LDAF1: variants seen among roughly 807,000 people sequenced by gnomAD.
LDAF1 encodes lipid droplet assembly factor 1.
Under a neutral mutation model 13.5 loss-of-function variants are expected in LDAF1, and 7 were observed. The ratio of observed to expected loss-of-function variants is 0.52; its 90% CI spans 0.29 to 0.97. The LOEUF (loss-of-function observed/expected upper bound fraction) is 0.97, where lower values mean the gene tolerates loss of function less well. Ranked by LOEUF, LDAF1 falls within the 50% of genes least tolerant of loss-of-function variation. The probability of loss-of-function intolerance (pLI) is 0.07; values close to 1 mark genes in which losing one functional copy is unlikely to be tolerated. For synonymous variants in LDAF1, 69 were observed against 77.1 expected, an observed-to-expected ratio of 0.89 and a Z score of 0.55; for missense variants, 148 against 193.2, an observed-to-expected ratio of 0.77 and a Z score of 1.39.
chr16:21,170,045 C>G (rs1402304569), intron 2 of LDAF1, among the ~76,000 whole-genome samples: 4 of 152,054 alleles, frequency 2.6e-5, no homozygotes, highest in Non-Finnish European at 5.9e-5. Context: ...CTCTGCCTCC[C>G]AGGCTGGAGT....
rs1270197854 is a variant in LDAF1 at position 21,179,522 on chromosome 16, A to C, written c.452A>C (p.Lys151Thr). ...NTSCDFLPAM[K>T]SAEFEGLYQE Reference sequence around the variant, plus strand: ...AGTTGTGACTTTCTGCCAGCCATGAAGTCTGCAGAATTCGAGGGGCTTTAC... The same window carrying C: ...AGTTGTGACTTTCTGCCAGCCATGACGTCTGCAGAATTCGAGGGGCTTTAC... Residue 151 changes from lysine to threonine, a missense_variant, in exon 5 of 5, where the codon AAG (lysine) becomes ACG (threonine). By Grantham distance (78) the Lys-to-Thr change is moderately conservative. Coordinates refer to ENST00000233047, the MANE Select transcript of LDAF1 (RefSeq NM_001301771.2). The C allele has an allele frequency of 6.2e-7, 1 of 1,614,074 alleles. No individual in the cohort carries two copies. Among genetic ancestry groups the C allele is most frequent in the Non-Finnish European group, 8.5e-7 (1 of 1,180,038 alleles).
intron 2 of LDAF1, 200 bp from the exon 3 acceptor site, chr16:21,170,237 A>G (rs2093073414): frequency 1.1e-6 from 1 of 908,380 alleles, no homozygotes; most frequent in Non-Finnish European, 1.3e-6. Context: ...TCCCAACCTC[A>G]GGTGATCCGC....
At chr16:21,164,648 G>A (rs181969520) in intron 2 of LDAF1, among the ~76,000 whole-genome samples, 6 of 152,314 alleles carry the variant, frequency 3.9e-5, no homozygotes, top group South Asian at 2.1e-4. Context: ...AGAGGGTGGC[G>A]CATAATGTTG....
intron 2 of LDAF1, among the ~76,000 whole-genome samples, chr16:21,169,704 A>G (rs2093066755): frequency 6.6e-6 from 1 of 152,188 alleles, no homozygotes; most frequent in African/African-American, 2.4e-5. Context: ...GCTGTAAAGT[A>G]GGAGGCAGAT....
chr16:21,164,342 C>T (rs1444421450), intron 2 of LDAF1, among the ~76,000 whole-genome samples: 1 of 152,150 alleles, frequency 6.6e-6, no homozygotes, highest in Non-Finnish European at 1.5e-5. Context: ...CTTCTGGTCT[C>T]AAGCAACACC....
Position 21,179,681 on chromosome 16 carries a change from C to G in LDAF1, c.*125C>G. On this transcript the variant is annotated 3_prime_UTR_variant, in exon 5 of 5. Transcript: ENST00000233047. ...CCTTGGCTGTGTCCTCTCGCTTTTT[C>G]ACTTACTTGTAGGATCCCGCAGCAG... 2.6e-6 allele frequency: 2 copies of G among 780,452 alleles called. No homozygotes were observed. The highest frequency in any genetic ancestry group is 4.1e-6 in the Non-Finnish European group (2 of 492,058). The allele number at this position is 780,452 out of a possible 1,614,324, so 48.3% of individuals were successfully genotyped here. A position where few individuals can be genotyped will look rare whatever the true frequency, so the allele number is the denominator to read the frequency against.
intron 2 of LDAF1, among the ~76,000 whole-genome samples, chr16:21,165,158 G>C (rs1443565397): frequency 6.6e-6 from 1 of 152,148 alleles, no homozygotes; most frequent in East Asian, 1.9e-4. Context: ...ATAGAGCCCA[G>C]ACTCGGAAAA....
intron 3 of LDAF1, among the ~76,000 whole-genome samples, chr16:21,171,935 G>A (rs1439319419): frequency 2.6e-5 from 4 of 151,736 alleles, no homozygotes; most frequent in African/African-American, 4.8e-5. Flanking sequence ...ATAGGGTTTC[G>A]CCATGTTGGC....
intron 4 of LDAF1, chr16:21,178,383 T>C: frequency 2.0e-6 from 2 of 985,354 alleles, no homozygotes; most frequent in Non-Finnish European, 2.4e-6. Context: ...GAAAGGCTTC[T>C]TTCTTAGTTT....
chr16:21,163,900 C>T (rs72780899), intron 2 of LDAF1, among the ~76,000 whole-genome samples: 24,214 of 152,074 alleles, frequency 0.16, 2,370 homozygotes, highest in South Asian at 0.26. Flanking sequence ...GGGTTTCTCA[C>T]CATTTTGGCC....
Position 21,172,866 on chromosome 16 carries a change from G to T in LDAF1, c.266-1144G>T, listed in dbSNP as rs57090501. 1,684 of 985,056 alleles carry T rather than the reference G, an allele frequency of 1.7e-3. 24 individuals are homozygous for T. The African/African-American group carries it at 0.026, about 15-fold the overall frequency. The allele number at this position is 985,056 out of a possible 1,614,324, so 61.0% of individuals were successfully genotyped here. A position where few individuals can be genotyped will look rare whatever the true frequency, so the allele number is the denominator to read the frequency against. On this transcript the variant is annotated intron_variant, in intron 3 of 4. Coordinates refer to ENST00000233047, the MANE Select transcript of LDAF1 (RefSeq NM_001301771.2). ...TTCTCTTCCTTCCAGCCTTTTCAGG[G>T]TCCCTCCCTGAAACCATCACTGTGG...
chr16:21,159,333 C>T (rs148430717), intron 1 of LDAF1: 5 of 1,613,992 alleles, frequency 3.1e-6, no homozygotes, highest in Non-Finnish European at 4.2e-6. Flanking sequence ...ACCTGCATTT[C>T]ACTCCCTTCC....
intron 2 of LDAF1, chr16:21,169,220 C>A: frequency 1.0e-6 from 1 of 977,012 alleles, no homozygotes; most frequent in Non-Finnish European, 1.2e-6. Context: ...CATTGCTTCT[C>A]AAACTTTAAT....
chr16:21,166,627 C>T lies in LDAF1; in HGVS notation c.97-3810C>T, dbSNP rs533322641. Among the ~76,000 whole-genome samples the T allele has an allele frequency of 4.6e-5, 7 of 152,370 alleles. No individual in the cohort carries two copies. In the South Asian group the frequency reaches 6.2e-4, roughly 14 times the overall value. On this transcript the variant is annotated intron_variant, in intron 2 of 4. Coordinates refer to ENST00000233047, the MANE Select transcript of LDAF1 (RefSeq NM_001301771.2). ...TTCCCTCGCTGGCGCAGCATACTCA[C>T]GGGTGTACTGCTGCCTCCCTTTCCT...
chr16:21,162,756 G>A (rs1249711565), intron 2 of LDAF1, among the ~76,000 whole-genome samples: 2 of 152,166 alleles, frequency 1.3e-5, no homozygotes, highest in Non-Finnish European at 2.9e-5. Flanking sequence ...CAGCTGGCGG[G>A]GACTCTTGTT....
chr16:21,172,934 A>T, intron 3 of LDAF1: 6 of 597,412 alleles, frequency 1.0e-5, no homozygotes, highest in Non-Finnish European at 1.3e-5. Context: ...CACAAAGCAA[A>T]GGGAAGGATG....
intron 2 of LDAF1, chr16:21,165,503 T>A: frequency 1.3e-6 from 1 of 763,982 alleles, no homozygotes; most frequent in Non-Finnish European, 1.6e-6. Context: ...TGCCATACAG[T>A]CCCTAAGTCC....
At chr16:21,179,087 G>A (rs142065985) in intron 4 of LDAF1, among the ~76,000 whole-genome samples, 123 of 152,140 alleles carry the variant, frequency 8.1e-4, no homozygotes, top group African/African-American at 2.0e-3. Flanking sequence ...CTGAATCCCC[G>A]CCCTGCCATG....
chr16:21,168,284 G>T (rs1405394887), intron 2 of LDAF1, among the ~76,000 whole-genome samples: 2 of 151,614 alleles, frequency 1.3e-5, no homozygotes, highest in East Asian at 3.9e-4. Flanking sequence ...CAAAGTGCTG[G>T]GATTACAGGT....
Sources: gnomAD v4.1 joint callset for allele counts (sites outside exome capture counted in the v4.1 genomes callset) on GRCh38, gnomAD v4.1.1 for gene constraint, MANE v1.5 for transcripts, NCBI Gene and HGNC (gene_info 2026-07-23, HGNC 2026-07-21) for gene names.